The following TWIST2 variants were observed in gnomAD, a reference collection of about 807,000 sequenced individuals.
TWIST2 encodes the protein twist-related protein 2.
In TWIST2, 1 loss-of-function variant was observed where a neutral mutation model predicts 11.6. The ratio of observed to expected loss-of-function variants is 0.09; its 90% CI spans 0.03 to 0.41. The LOEUF (loss-of-function observed/expected upper bound fraction) is 0.41. TWIST2 is among the 10% of genes least tolerant of loss of function. The pLI is 0.98. For missense variants in TWIST2, 168 were observed against 226.4 expected, an observed-to-expected ratio of 0.74 and a Z score of 1.66; for synonymous variants, 87 against 96.6, an observed-to-expected ratio of 0.90 and a Z score of 0.58.
At chr2:238,884,107 C>T (rs2106366300) in intron 1 of TWIST2, among the ~76,000 whole-genome samples, 1 of 152,336 alleles carries the variant, frequency 6.6e-6, no homozygotes, top group Admixed American at 6.5e-5. Context: ...CCACAGAAGG[C>T]ACCCCGAGTG....
intron 1 of TWIST2, among the ~76,000 whole-genome samples, chr2:238,893,398 ACAGTTTTATATCCCC>A (rs1202661875): frequency 1.2e-4 from 19 of 152,290 alleles, no homozygotes; most frequent in Non-Finnish European, 2.4e-4. Flanking sequence ...ATTATTCAGA[ACAGTTTTATATCCCC>A]CAGTTAAAAA....
intron 1 of TWIST2, among the ~76,000 whole-genome samples, chr2:238,897,304 C>T (rs1693218020): frequency 6.6e-6 from 1 of 152,120 alleles, no homozygotes; most frequent in Non-Finnish European, 1.5e-5. Flanking sequence ...GATTTTCTGT[C>T]CTCCGCGCGC....
chr2:238,884,379 C>T (rs557485959), intron 1 of TWIST2, among the ~76,000 whole-genome samples: 5 of 152,362 alleles, frequency 3.3e-5, no homozygotes, highest in African/African-American at 4.8e-5. Flanking sequence ...CAGGTGAGGC[C>T]GGAGGGCCGC....
intron 1 of TWIST2, among the ~76,000 whole-genome samples, chr2:238,868,014 A>G (rs1692574653): frequency 6.6e-6 from 1 of 152,178 alleles, no homozygotes; most frequent in Non-Finnish European, 1.5e-5. Flanking sequence ...AGAAAGATAG[A>G]AAAAATAAAT....
chr2:238,848,357 G>C lies in TWIST2; in HGVS notation c.142G>C (p.Gly48Arg). The change falls in exon 1 of 2, where the codon GGC becomes CGC. Residue 48 changes from glycine (G) to arginine (R), a missense_variant. This residue lies in a region of TWIST2 where 83 missense variants were observed against 92.7 expected (regional missense o/e 0.90). Coordinates refer to ENST00000612363, the MANE Select transcript of TWIST2 (RefSeq NM_001271893.4). ...GAGCGAAGATGGCAGCCCGACCCCG[G>C]GCAAGCGCGGCAAGAAGGGCAGCCC... ...KSSEDGSPTP[G>R]KRGKKGSPSA... is the part of the protein sequence containing the mutation. The C allele has an allele frequency of 2.0e-6, 3 of 1,534,678 alleles. No individual in the cohort carries two copies. Among genetic ancestry groups the C allele is most frequent in the Non-Finnish European group, 2.6e-6 (3 of 1,145,976 alleles).
intron 1 of TWIST2, among the ~76,000 whole-genome samples, chr2:238,884,145 A>C (rs546669841): frequency 2.0e-4 from 30 of 152,348 alleles, no homozygotes; most frequent in African/African-American, 7.2e-4. Flanking sequence ...CTTCTGGGAA[A>C]CAATGGGGCC....
At chr2:238,873,362 G>A (rs1463477115) in intron 1 of TWIST2, among the ~76,000 whole-genome samples, 2 of 152,168 alleles carry the variant, frequency 1.3e-5, no homozygotes, top group African/African-American at 2.4e-5. Flanking sequence ...GACCATGGGT[G>A]CTGAGAAGGA....
chr2:238,905,955 G>C (rs1371996750), intron 1 of TWIST2, among the ~76,000 whole-genome samples: 2 of 112,352 alleles, frequency 1.8e-5, no homozygotes, highest in Non-Finnish European at 4.0e-5. Context: ...GCGCGCGTGT[G>C]TACGTGTGCG....
In TWIST2 at chr2:238,859,804, C is replaced by T. The variant is rs531158535; in HGVS notation, c.*35+11071C>T. ...TTATTCACACACACACATGCATGCA[C>T]GCACACGTGTGTCAAACAATTCTGA... On this transcript the variant is annotated intron_variant, in intron 1 of 1. Transcript: ENST00000612363. 1.1e-4 allele frequency among the ~76,000 whole-genome samples: 17 copies of T among 152,308 alleles called. 1 individual carries two copies. Among genetic ancestry groups the T allele is most frequent in the Admixed American group, 3.3e-4 (5 of 15,302 alleles).
At chr2:238,884,925 T>A (rs1300083795) in intron 1 of TWIST2, among the ~76,000 whole-genome samples, 1 of 152,174 alleles carries the variant, frequency 6.6e-6, no homozygotes, top group African/African-American at 2.4e-5. Context: ...CCAGCTCCCC[T>A]GAGTGGTGTG....
intron 1 of TWIST2, among the ~76,000 whole-genome samples, chr2:238,899,618 C>T (rs918159424): frequency 2.0e-5 from 3 of 152,246 alleles, no homozygotes; most frequent in Non-Finnish European, 4.4e-5. Context: ...ACACCCCTCT[C>T]TGTGCCCATC....
chr2:238,882,216 C>G (rs1472681543), intron 1 of TWIST2, among the ~76,000 whole-genome samples: 1 of 152,182 alleles, frequency 6.6e-6, no homozygotes, highest in Non-Finnish European at 1.5e-5. Context: ...CCTCCTCTCC[C>G]AGCAGCAGCC....
chr2:238,890,800 G>A (rs1355804001), intron 1 of TWIST2, among the ~76,000 whole-genome samples: 2 of 152,138 alleles, frequency 1.3e-5, no homozygotes, highest in South Asian at 2.1e-4. Flanking sequence ...CTAAGCTCTC[G>A]CATCAAAGAC....
chr2:238,905,972 TGCGCGCGCGTGTACGTGCGCGTGTGTGC>T (rs1693347626), intron 1 of TWIST2, among the ~76,000 whole-genome samples: 2 of 139,326 alleles, frequency 1.4e-5, no homozygotes, highest in Non-Finnish European at 3.1e-5. Context: ...TGCGTGTGTG[TGCGCGCGCGTGTACGTGCGCGTGTGTGC>T]GTGTGCGTGT....
intron 1 of TWIST2, among the ~76,000 whole-genome samples, chr2:238,869,945 CA>C (rs1692616080): frequency 6.6e-6 from 1 of 151,686 alleles, no homozygotes; most frequent in South Asian, 2.1e-4. Flanking sequence ...GACTGTGTCT[CA>C]AAACAAACAC....
chr2:238,856,363 A>C (rs1692328699), intron 1 of TWIST2, among the ~76,000 whole-genome samples: 1 of 151,962 alleles, frequency 6.6e-6, no homozygotes, highest in African/African-American at 2.4e-5. Context: ...ACGGTTACTC[A>C]CCTCTCTGCT....
intron 1 of TWIST2, among the ~76,000 whole-genome samples, chr2:238,908,861 AGG>A (rs1229106058): frequency 6.7e-6 from 1 of 148,814 alleles, no homozygotes; most frequent in Non-Finnish European, 1.5e-5. Flanking sequence ...TGTGTGTGGG[AGG>A]GTGTGGTGTG....
At chr2:238,868,297 C>A (rs886790238) in intron 1 of TWIST2, among the ~76,000 whole-genome samples, 1 of 152,220 alleles carries the variant, frequency 6.6e-6, no homozygotes, top group African/African-American at 2.4e-5. Context: ...AGGTCTCAAA[C>A]CTGACTGCCC....
intron 1 of TWIST2, among the ~76,000 whole-genome samples, chr2:238,875,285 G>A (rs140641279): frequency 5.2e-4 from 79 of 151,882 alleles, no homozygotes; most frequent in African/African-American, 1.8e-3. Context: ...CCTTTAAGGA[G>A]CCCTGACCAC....
Sources: gnomAD v4.1 joint callset for allele counts (sites outside exome capture counted in the v4.1 genomes callset) on GRCh38, gnomAD v4.1.1 for gene constraint, gnomAD v4.1.1 regional missense constraint, MANE v1.5 for transcripts, NCBI Gene and HGNC (gene_info 2026-07-23, HGNC 2026-07-21) for gene names.